COLGALT2: variants seen among roughly 807,000 people sequenced by gnomAD.
COLGALT2 encodes collagen beta(1-O)galactosyltransferase 2, also known as procollagen galactosyltransferase 2.
COLGALT2 carries 49 observed loss-of-function variants against 73.4 expected under a neutral mutation model. The observed-to-expected ratio is 0.67, with a 90% CI of 0.53 to 0.85. The LOEUF (loss-of-function observed/expected upper bound fraction) is 0.85. Ranked by LOEUF, COLGALT2 falls within the 40% of genes least tolerant of loss-of-function variation. The probability of loss-of-function intolerance (pLI) is 0.00; values close to 1 mark genes in which losing one functional copy is unlikely to be tolerated. For missense variants in COLGALT2, 722 were observed against 790.2 expected, an observed-to-expected ratio of 0.91 and a Z score of 1.03; for synonymous variants, 295 against 307.6, an observed-to-expected ratio of 0.96 and a Z score of 0.43.
chr1:184,024,221 A>G (rs1263851641), intron 1 of COLGALT2, among the ~76,000 whole-genome samples: 2 of 152,216 alleles, frequency 1.3e-5, no homozygotes, highest in Admixed American at 1.3e-4. Context: ...AAGGCAAAGA[A>G]TTCAAGAAAA....
Position 184,036,708 on chromosome 1 carries a change from A to T in COLGALT2, c.263+387T>A, listed in dbSNP as rs1227996374. ...ACGGCGACAGGCACCCTATCCCCTC[A>T]CGTCAGGGCTAGCAGTATGAGGTGG... On this transcript the variant is annotated intron_variant, in intron 1 of 11. Transcript: ENST00000361927. Among the ~76,000 whole-genome samples the T allele has an allele frequency of 3.9e-5, 6 of 152,170 alleles. No homozygotes were observed. The South Asian group carries it at 1.0e-3, about 26-fold the overall frequency.
At chr1:184,003,451 C>G (rs1671983724) in intron 1 of COLGALT2, among the ~76,000 whole-genome samples, 1 of 152,176 alleles carries the variant, frequency 6.6e-6, no homozygotes, top group Admixed American at 6.5e-5. Context: ...CTCAATAGTC[C>G]TTGTCTTCAA....
Position 184,026,531 on chromosome 1 carries a change from C to G in COLGALT2, c.263+10564G>C, listed in dbSNP as rs1350521576. 3.3e-5 allele frequency among the ~76,000 whole-genome samples: 5 copies of G among 152,148 alleles called. No individual in the cohort carries two copies. The South Asian group carries it at 8.3e-4, about 25-fold the overall frequency. On this transcript the variant is annotated intron_variant, in intron 1 of 11. Coordinates refer to ENST00000361927, the MANE Select transcript of COLGALT2 (RefSeq NM_015101.4). ...AAAAATATTTGTTGTGCAGCAGCAA[C>G]AAACTCAGAACAATCCTCTGTATAG...
intron 1 of COLGALT2, among the ~76,000 whole-genome samples, chr1:184,020,641 T>C (rs1481982145): frequency 6.6e-6 from 1 of 152,208 alleles, no homozygotes; most frequent in Non-Finnish European, 1.5e-5. Context: ...ATCAGAGCTC[T>C]ACCCCATTAT....
intron 8 of COLGALT2, among the ~76,000 whole-genome samples, chr1:183,950,175 C>T (rs1484583848): frequency 6.6e-6 from 1 of 152,174 alleles, no homozygotes; most frequent in African/African-American, 2.4e-5. Flanking sequence ...TGGGTCCAGC[C>T]TCAGAGAGCA....
intron 1 of COLGALT2, 40 bp from the exon 2 acceptor site, chr1:183,978,560 C>T: frequency 7.9e-7 from 1 of 1,267,010 alleles, no homozygotes; most frequent in Non-Finnish European, 1.1e-6. Flanking sequence ...ACTATGTCAT[C>T]CAATGAAAGA....
At chr1:183,982,450 C>A (rs772252206) in intron 1 of COLGALT2, among the ~76,000 whole-genome samples, 1 of 152,112 alleles carries the variant, frequency 6.6e-6, no homozygotes, top group Non-Finnish European at 1.5e-5. Context: ...CCACTGGTCT[C>A]GTGATAGGAA....
At position 183,936,157 on chromosome 1, in the gene COLGALT2, C is replaced by T. The variant is rs1302703276; in HGVS notation, c.*2604G>A. On this transcript the variant is annotated 3_prime_UTR_variant, in exon 12 of 12. Transcript: ENST00000361927. ...AGCCTCCAGAGGCAGAGAGCGGGTG[C>T]CAGGCCCAGATGCAAAGGCCTCTAT... 2 of 985,506 alleles carry T rather than the reference C, an allele frequency of 2.0e-6. No individual in the cohort carries two copies. The highest frequency in any genetic ancestry group is 6.1e-5 in the Admixed American group (1 of 16,266). The allele number at this position is 985,506 out of a possible 1,614,324, so 61.0% of individuals were successfully genotyped here.
chr1:184,020,137 C>G (rs1006613999), intron 1 of COLGALT2, among the ~76,000 whole-genome samples: 1 of 152,048 alleles, frequency 6.6e-6, no homozygotes, highest in East Asian at 1.9e-4. Context: ...TATATACTGC[C>G]CCTGCCCCCG....
intron 6 of COLGALT2, among the ~76,000 whole-genome samples, chr1:183,958,934 G>A (rs1050499112): frequency 1.3e-5 from 2 of 151,412 alleles, no homozygotes; most frequent in East Asian, 1.9e-4. Context: ...AGCCTCCATC[G>A]GATTTCTCCA....
At chr1:184,004,843 C>A (rs1380789363) in intron 1 of COLGALT2, among the ~76,000 whole-genome samples, 1 of 151,954 alleles carries the variant, frequency 6.6e-6, no homozygotes, top group East Asian at 1.9e-4. Flanking sequence ...AGTCACAGAG[C>A]AGGGGGACGT....
chr1:183,932,282 G>T (rs752326625), downstream of COLGALT2, among the ~76,000 whole-genome samples: 5 of 152,146 alleles, frequency 3.3e-5, no homozygotes, highest in Admixed American at 3.3e-4. Flanking sequence ...GCTTCCCTTA[G>T]CTCTTTGCCT....
chr1:184,020,000 G>C (rs1175153723), intron 1 of COLGALT2, among the ~76,000 whole-genome samples: 1 of 152,204 alleles, frequency 6.6e-6, no homozygotes, highest in African/African-American at 2.4e-5. Flanking sequence ...GATAAATGCA[G>C]ATCTATTGGT....
chr1:184,022,914 A>C (rs1489585138), intron 1 of COLGALT2, among the ~76,000 whole-genome samples: 6 of 152,204 alleles, frequency 3.9e-5, no homozygotes, highest in Non-Finnish European at 4.4e-5. Context: ...AACAGCTGGC[A>C]CCACATTTCA....
intron 8 of COLGALT2, among the ~76,000 whole-genome samples, chr1:183,948,091 TA>T (rs1558310816): frequency 6.6e-6 from 1 of 151,580 alleles, no homozygotes; most frequent in South Asian, 2.1e-4. Flanking sequence ...TAATTAGTAA[TA>T]AAAAAAATTT....
chr1:184,036,770 C>T (rs1649692544), intron 1 of COLGALT2, among the ~76,000 whole-genome samples: 1 of 152,232 alleles, frequency 6.6e-6, no homozygotes, highest in African/African-American at 2.4e-5. Context: ...AGCGAGGGAA[C>T]TGAAAGTCCC....
chr1:183,963,546 T>G (rs1229884870), intron 6 of COLGALT2, among the ~76,000 whole-genome samples: 1 of 152,198 alleles, frequency 6.6e-6, no homozygotes, highest in Non-Finnish European at 1.5e-5. Flanking sequence ...ATTATTTCCA[T>G]TTTACAACTA....
chr1:183,997,505 GGAA>G (rs781725249), intron 1 of COLGALT2, among the ~76,000 whole-genome samples: 8 of 152,108 alleles, frequency 5.3e-5, no homozygotes, highest in East Asian at 1.9e-4. Flanking sequence ...GGGCCACACT[GGAA>G]GAAGAAGAAT....
rs555721598 is a variant in COLGALT2, at chr1:184,001,747, G to A, written c.264-23227C>T. ...ACATATTTATTGAACTATTATTCTGGGTCTCTTGATTATTAGGAAAGTCAG... is the reference window on the plus strand; with the variant it reads ...ACATATTTATTGAACTATTATTCTGAGTCTCTTGATTATTAGGAAAGTCAG... On this transcript the variant is annotated intron_variant, in intron 1 of 11. Coordinates refer to ENST00000361927, the MANE Select transcript of COLGALT2 (RefSeq NM_015101.4). 1.2e-4 allele frequency among the ~76,000 whole-genome samples: 18 copies of A among 152,090 alleles called. No homozygotes were observed. In the South Asian group the frequency reaches 3.7e-3, roughly 32 times the overall value.
Sources: allele counts gnomAD v4.1 joint callset (sites outside exome capture counted in the v4.1 genomes callset), GRCh38; gene constraint gnomAD v4.1.1; transcripts MANE v1.5; gene names NCBI Gene and HGNC (gene_info 2026-07-23, HGNC 2026-07-21).